Variants in ARPP19 observed in about 807,000 individuals in gnomAD.
ARPP19 encodes cAMP regulated phosphoprotein 19, also known as cAMP-regulated phosphoprotein 19.
ARPP19 carries 8 observed loss-of-function variants against 12.0 expected under a neutral mutation model. The observed-to-expected ratio is 0.67, with a 90% CI of 0.39 to 1.21. ARPP19 has a LOEUF of 1.21. Ranked by LOEUF, ARPP19 falls within the 50% of genes most tolerant of loss-of-function variation. The pLI is 0.01. For synonymous variants in ARPP19, 47 were observed against 50.4 expected (o/e 0.93, Z 0.29); for missense variants, 102 against 136.3 (o/e 0.75, Z 1.25).
intron 1 of ARPP19, among the ~76,000 whole-genome samples, chr15:52,559,657 C>A (rs1164747634): frequency 6.6e-6 from 1 of 152,134 alleles, no homozygotes; most frequent in Non-Finnish European, 1.5e-5. Flanking sequence ...ATATTCATCA[C>A]CAAAGCCAGA....
At chr15:52,569,098 C>T, upstream of ARPP19, 1 of 556,184 alleles carries the variant, frequency 1.8e-6, no homozygotes, top group East Asian at 3.5e-5. Context: ...GCCCCTCCCG[C>T]ACCGCACCCC....
rs1214622745 is a variant in ARPP19, at chr15:52,548,026, G to C, written c.*3908C>G. ...ACTGCTTTAGTTATCACTCAGAAGT[G>C]CTCTTCCCATTGGCTACCTGCTTCT... On this transcript the variant is annotated 3_prime_UTR_variant, in exon 3 of 3. Coordinates refer to ENST00000249822, the MANE Select transcript of ARPP19 (RefSeq NM_006628.6). The C allele has an allele frequency of 6.6e-6, 1 of 152,176 alleles. No individual in the cohort carries two copies. Among genetic ancestry groups the C allele is most frequent in the African/African-American group, 2.4e-5 (1 of 41,456 alleles). 9.4% of individuals were successfully genotyped at this position (152,176 alleles called of 1,614,324 possible).
chr15:52,548,204 C>T lies in ARPP19; in HGVS notation c.*3730G>A, dbSNP rs755583442. 2.6e-5 allele frequency: 4 copies of T among 152,144 alleles called. No individual in the cohort carries two copies. Among genetic ancestry groups the T allele is most frequent in the Non-Finnish European group, 5.9e-5 (4 of 68,026 alleles). 9.4% of individuals were successfully genotyped at this position (152,144 alleles called of 1,614,324 possible). A position where few individuals can be genotyped will look rare whatever the true frequency, so the allele number is the denominator to read the frequency against. ...ACAATTCATGTTTTAAATCATAAGC[C>T]GGCCGGGCATGGTGGCACATGCCTA... On this transcript the variant is annotated 3_prime_UTR_variant, in exon 3 of 3. Transcript: ENST00000249822.
At chr15:52,552,226 T>C (rs190624189) in intron 2 of ARPP19, 122 bp from the exon 3 acceptor site, 1 of 631,436 alleles carries the variant, frequency 1.6e-6, no homozygotes, top group East Asian at 2.7e-5. Flanking sequence ...GAATATTAAT[T>C]AGATGAAATA....
chr15:52,564,469 C>T (rs1258938725), intron 1 of ARPP19, among the ~76,000 whole-genome samples: 3 of 152,174 alleles, frequency 2.0e-5, no homozygotes, highest in Non-Finnish European at 4.4e-5. Context: ...GTCAAAAGAG[C>T]TCCTGAAAAT....
At chr15:52,564,867 T>C (rs1342102532) in intron 1 of ARPP19, among the ~76,000 whole-genome samples, 1 of 152,196 alleles carries the variant, frequency 6.6e-6, no homozygotes, top group Admixed American at 6.5e-5. Context: ...AGCATTGTCA[T>C]TTGTTTTGAA....
intron 1 of ARPP19, among the ~76,000 whole-genome samples, chr15:52,567,268 ACAAT>A (rs1241445929): frequency 2.6e-5 from 4 of 152,266 alleles, no homozygotes; most frequent in South Asian, 2.1e-4. Context: ...TTTAATGTAG[ACAAT>A]CAATAAGAGA....
At chr15:52,566,563 C>T (rs2078084066) in intron 1 of ARPP19, among the ~76,000 whole-genome samples, 1 of 152,028 alleles carries the variant, frequency 6.6e-6, no homozygotes, top group South Asian at 2.1e-4. Context: ...GGACTACAGG[C>T]CTACAGACAT....
chr15:52,557,473 G>A, intron 1 of ARPP19: 1 of 375,464 alleles, frequency 2.7e-6, no homozygotes, highest in East Asian at 5.3e-5. Context: ...AGATAGCTCA[G>A]CTCTGAAGTC....
chr15:52,548,345 G>A lies in ARPP19; in HGVS notation c.*3589C>T, dbSNP rs28656089. On this transcript the variant is annotated 3_prime_UTR_variant, in exon 3 of 3. Transcript: ENST00000249822. ...CTACTAAAAGTACAAAAATTGGCTG[G>A]GCATGGTGGCGGACGCCTGTAATCC... is the stretch of plus-strand genomic sequence containing the variant. 0.014 allele frequency: 2,072 copies of A among 152,336 alleles called. 44 individuals carry two copies. The highest frequency in any genetic ancestry group is 0.048 in the African/African-American group (2,011 of 41,520). The allele number at this position is 152,336 out of a possible 1,614,324, so 9.4% of individuals were successfully genotyped here.
Position 52,568,418 on chromosome 15 carries a change from C to A in ARPP19, c.45+430G>T, listed in dbSNP as rs141199127. The stretch of plus-strand genomic sequence containing the variant: ...GTTGGCCCTGAAATGCCAATCCTGG[C>A]CCACATCGCGGCCCGCACACGAGGC... On this transcript the variant is annotated intron_variant, in intron 1 of 2. Transcript: ENST00000249822. The A allele has an allele frequency of 3.2e-4, 52 of 160,196 alleles. No homozygotes were observed. In the East Asian group the frequency reaches 5.6e-3, roughly 17 times the overall value. The allele number at this position is 160,196 out of a possible 1,614,324, so 9.9% of individuals were successfully genotyped here.
At chr15:52,558,246 G>A (rs1566896138) in intron 1 of ARPP19, among the ~76,000 whole-genome samples, 3 of 152,028 alleles carry the variant, frequency 2.0e-5, no homozygotes, top group Admixed American at 1.3e-4. Context: ...CTAGTAGTTC[G>A]AGACCAGCCT....
rs1441557729 is a variant in ARPP19, at chr15:52,547,583, T to A, written c.*4351A>T. On this transcript the variant is annotated 3_prime_UTR_variant, in exon 3 of 3. Coordinates refer to ENST00000249822, the MANE Select transcript of ARPP19 (RefSeq NM_006628.6). ...CAGAATACCTAGAGGCCTACCTAAT[T>A]AGAAGGTTGAAACTTAGTAAAACCG... is the stretch of plus-strand genomic sequence containing the variant. 6.6e-6 allele frequency: 1 copy of A among 152,198 alleles called. No individual in the cohort carries two copies. Among genetic ancestry groups the A allele is most frequent in the African/African-American group, 2.4e-5 (1 of 41,446 alleles). 9.4% of individuals were successfully genotyped at this position (152,198 alleles called of 1,614,324 possible).
rs1242007869 is a variant in ARPP19, at chr15:52,548,246, G to C, written c.*3688C>G. 6.6e-6 allele frequency: 1 copy of C among 152,190 alleles called. No individual in the cohort carries two copies. Among genetic ancestry groups the C allele is most frequent in the Non-Finnish European group, 1.5e-5 (1 of 68,032 alleles). 9.4% of individuals were successfully genotyped at this position (152,190 alleles called of 1,614,324 possible). On this transcript the variant is annotated 3_prime_UTR_variant, in exon 3 of 3. Coordinates refer to ENST00000249822, the MANE Select transcript of ARPP19 (RefSeq NM_006628.6). The stretch of plus-strand genomic sequence containing the variant: ...ACATGCCTATAATCCCAGCACTTTG[G>C]GAGGCCGAGGCGAGTGGATCACCTG...
chr15:52,564,335 C>T (rs2078062197), intron 1 of ARPP19: 1 of 947,316 alleles, frequency 1.1e-6, no homozygotes, highest in Non-Finnish European at 1.6e-6. Context: ...CTAGGTGAAC[C>T]CAGGAGTTCA....
intron 2 of ARPP19, among the ~76,000 whole-genome samples, chr15:52,552,898 G>C (rs2077948682): frequency 1.3e-5 from 2 of 152,120 alleles, no homozygotes; most frequent in African/African-American, 4.8e-5. Flanking sequence ...CCAATATGGT[G>C]AAACCCCGTC....
chr15:52,561,161 G>C (rs1169500805), intron 1 of ARPP19, among the ~76,000 whole-genome samples: 2 of 152,134 alleles, frequency 1.3e-5, no homozygotes, highest in African/African-American at 4.8e-5. Context: ...ATGCAAAATA[G>C]AACACAATTT....
chr15:52,564,188 AC>A, intron 1 of ARPP19: 1 of 1,530,280 alleles, frequency 6.5e-7, no homozygotes, highest in Non-Finnish European at 8.8e-7. Flanking sequence ...TCTGAGGTTT[AC>A]CTCTAGGCTG....
chr15:52,562,756 T>C (rs769257478), intron 1 of ARPP19, among the ~76,000 whole-genome samples: 1 of 151,390 alleles, frequency 6.6e-6, no homozygotes. Flanking sequence ...TTTAAGAAGT[T>C]AGACAAAGAA....
Sources: allele counts gnomAD v4.1 joint callset (sites outside exome capture counted in the v4.1 genomes callset), GRCh38; gene constraint gnomAD v4.1.1; transcripts MANE v1.5; gene names NCBI Gene and HGNC (gene_info 2026-07-23, HGNC 2026-07-21).